COL4A6: variants seen among roughly 807,000 people sequenced by gnomAD.
The protein encoded by COL4A6 is collagen type IV alpha 6 chain, also known as collagen alpha-6(IV) chain.
In COL4A6, 59 loss-of-function variants were observed where a neutral mutation model predicts 126.7. The ratio of observed to expected loss-of-function variants is 0.47; its 90% CI spans 0.38 to 0.58. The LOEUF (loss-of-function observed/expected upper bound fraction) is 0.58, where lower values mean the gene tolerates loss of function less well. Among genes scored for constraint, COL4A6 ranks in the 20% least tolerant of loss-of-function variants. The pLI, the probability that COL4A6 is intolerant of heterozygous loss-of-function variation, is 0.00. For missense variants in COL4A6, 1,285 were observed against 1,337.3 expected (o/e 0.96, Z 0.61); for synonymous variants, 547 against 496.6 (o/e 1.10, Z -1.35).
In COL4A6 at chrX:108,235,497, G is replaced by T. The variant is rs184667136; in HGVS notation, c.145-14123C>A. On this transcript the variant is annotated intron_variant, in intron 3 of 44. Transcript: ENST00000334504. ...ACATCTACCTCAGGCTGAAGACCTT[G>T]TCTAGCATTTAACTCAAAGAGAGAT... is the stretch of plus-strand genomic sequence containing the variant. Among the ~76,000 whole-genome samples the T allele has an allele frequency of 2.3e-4, 26 of 111,440 alleles. 1 individual carries two copies. The East Asian group carries it at 7.4e-3, about 32-fold the overall frequency.
At chrX:108,178,224 G>A (rs1416548423) in intron 27 of COL4A6, among the ~76,000 whole-genome samples, 1 of 112,449 alleles carries the variant, frequency 8.9e-6, no homozygotes, top group East Asian at 2.8e-4. Flanking sequence ...CCCCACTGCT[G>A]AGTAAAAGAC....
intron 2 of COL4A6, among the ~76,000 whole-genome samples, chrX:108,388,419 T>C (rs2040751814): frequency 8.9e-6 from 1 of 111,979 alleles, no homozygotes; most frequent in Non-Finnish European, 1.9e-5. Context: ...TTCAGGGATT[T>C]GACTTCTTCC....
chrX:108,227,549 G>A (rs760515580), intron 3 of COL4A6, among the ~76,000 whole-genome samples: 1 of 109,860 alleles, frequency 9.1e-6, no homozygotes, highest in Non-Finnish European at 1.9e-5. Flanking sequence ...GGAAGCCTGG[G>A]GCAGGGTGGG....
At chrX:108,205,289 G>T in intron 11 of COL4A6, 150 bp downstream of exon 11, 1 of 516,607 alleles carries the variant, frequency 1.9e-6, no homozygotes, top group Non-Finnish European at 3.4e-6. Flanking sequence ...GCCCTCAAGA[G>T]ATCCCACCAG....
intron 2 of COL4A6, among the ~76,000 whole-genome samples, chrX:108,330,146 G>GA (rs1348589852): frequency 1.8e-5 from 2 of 110,809 alleles, no homozygotes; most frequent in Non-Finnish European, 3.8e-5. Context: ...AGAGTTCCGG[G>GA]AAAAAGCCCT....
intron 20 of COL4A6, among the ~76,000 whole-genome samples, chrX:108,189,091 AC>A (rs768864005): frequency 3.6e-5 from 4 of 112,566 alleles, no homozygotes; most frequent in Non-Finnish European, 7.5e-5. Flanking sequence ...TCAGCAAAGC[AC>A]CTTTGAAGAG....
chrX:108,192,943 A>G (rs2035096827), intron 17 of COL4A6, among the ~76,000 whole-genome samples: 1 of 112,538 alleles, frequency 8.9e-6, no homozygotes, highest in African/African-American at 3.2e-5. Context: ...TGGGAGTGGT[A>G]CACAGGAAGC....
At position 108,208,863 on chromosome X, in the gene COL4A6, C is replaced by T. The variant is rs1229005865; in HGVS notation, c.546+1106G>A. On this transcript the variant is annotated intron_variant, in intron 8 of 44. Transcript: ENST00000334504. Reference sequence around the variant, plus strand: ...GAACATTGTTTTGAAAATAACTAGCCACCTGTGATCACCTTGCTGATCACA... The same window carrying T: ...GAACATTGTTTTGAAAATAACTAGCTACCTGTGATCACCTTGCTGATCACA... 3.6e-5 allele frequency among the ~76,000 whole-genome samples: 4 copies of T among 111,387 alleles called. No homozygotes were observed. In the Admixed American group the frequency reaches 3.8e-4, roughly 11 times the overall value.
chrX:108,163,808 A>G (rs763737940), intron 40 of COL4A6, among the ~76,000 whole-genome samples: 2 of 112,458 alleles, frequency 1.8e-5, no homozygotes, highest in Non-Finnish European at 3.8e-5. Context: ...CCACTAAAAC[A>G]TTAGAAGGAC....
At chrX:108,301,758 A>G (rs2038496382) in intron 3 of COL4A6, among the ~76,000 whole-genome samples, 1 of 110,991 alleles carries the variant, frequency 9.0e-6, no homozygotes, top group Non-Finnish European at 1.9e-5. Context: ...GCATGCCAGG[A>G]AAGCCTTTTG....
chrX:108,297,834 C>T (rs1362031736), intron 3 of COL4A6, among the ~76,000 whole-genome samples: 1 of 110,002 alleles, frequency 9.1e-6, no homozygotes, highest in Non-Finnish European at 1.9e-5. Flanking sequence ...AGTTCCTTGG[C>T]TCAGGCTTGC....
intron 3 of COL4A6, among the ~76,000 whole-genome samples, chrX:108,262,806 G>A (rs765922039): frequency 1.5e-4 from 17 of 111,688 alleles, no homozygotes; most frequent in Non-Finnish European, 3.0e-4. Context: ...GATGGGCCTT[G>A]CAAGATTCCA....
intron 5 of COL4A6, among the ~76,000 whole-genome samples, chrX:108,219,009 G>C (rs2035937654): frequency 1.8e-5 from 2 of 112,343 alleles, no homozygotes; most frequent in South Asian, 3.7e-4. Flanking sequence ...TATTTTAAAG[G>C]CTGGTGCAAT....
intron 2 of COL4A6, among the ~76,000 whole-genome samples, chrX:108,389,410 T>C (rs933425460): frequency 1.8e-5 from 2 of 112,063 alleles, no homozygotes; most frequent in South Asian, 7.6e-4. Flanking sequence ...CCGTATTGGG[T>C]GCATATATAT....
chrX:108,217,823 C>A (rs375852221), intron 5 of COL4A6, among the ~76,000 whole-genome samples: 1 of 111,825 alleles, frequency 8.9e-6, no homozygotes, highest in East Asian at 2.8e-4. Context: ...CAAAAGAAAA[C>A]ACATACAATT....
intron 27 of COL4A6, among the ~76,000 whole-genome samples, chrX:108,178,257 G>T (rs1349116346): frequency 8.9e-6 from 1 of 112,346 alleles, no homozygotes; most frequent in Admixed American, 9.4e-5. Flanking sequence ...GTCCTTGGAG[G>T]CATGCTCGCC....
In COL4A6 at chrX:108,220,042, A is replaced by T. The variant is rs6622298; in HGVS notation, c.280-300T>A. 0.34 allele frequency among the ~76,000 whole-genome samples: 37,377 copies of T among 109,810 alleles called. 4,944 individuals carry two copies. The highest frequency in any genetic ancestry group is 0.61 in the East Asian group (2,102 of 3,419). ...GGGGAAAACTGGAGAACCTTGAATG[A>T]CCTAATCACAAGTTTCCCTCTCCAT... On this transcript the variant is annotated intron_variant, in intron 4 of 44. Coordinates refer to ENST00000334504, the MANE Select transcript of COL4A6 (RefSeq NM_033641.4).
At chrX:108,199,267 T>C (rs975921216) in intron 13 of COL4A6, among the ~76,000 whole-genome samples, 1 of 110,921 alleles carries the variant, frequency 9.0e-6, no homozygotes, top group African/African-American at 3.3e-5. Context: ...AATTGAAAGC[T>C]GATGTGAAGG....
intron 5 of COL4A6, among the ~76,000 whole-genome samples, chrX:108,215,493 C>T (rs1018210481): frequency 1.1e-4 from 12 of 111,492 alleles, no homozygotes; most frequent in Admixed American, 9.5e-5. Flanking sequence ...TGAAGATCTA[C>T]ACTCTATCTC....
Sources: gnomAD v4.1 joint callset for allele counts (sites outside exome capture counted in the v4.1 genomes callset) on GRCh38, gnomAD v4.1.1 for gene constraint, MANE v1.5 for transcripts, NCBI Gene and HGNC (gene_info 2026-07-23, HGNC 2026-07-21) for gene names.